The following KLF12 variants were observed in gnomAD, a reference collection of about 807,000 sequenced individuals.
The protein encoded by KLF12 is KLF transcription factor 12.
KLF12 carries 9 observed loss-of-function variants against 37.8 expected under a neutral mutation model. That is an observed-to-expected ratio of 0.24 (90% CI 0.14 to 0.42). The LOEUF is 0.42. KLF12 is among the 10% of genes least tolerant of loss of function. The pLI is 1.00. For synonymous variants in KLF12, 208 were observed against 202.1 expected (o/e 1.03, Z -0.25); for missense variants, 411 against 516.0 (o/e 0.80, Z 1.97).
chr13:74,151,652 C>CAATAAATA, the KLF12 span, among the ~76,000 whole-genome samples: 2 of 142,372 alleles, frequency 1.4e-5, no homozygotes, highest in African/African-American at 2.5e-5. Context: ...GACCCCATCT[C>CAATAAATA]AATAAATAAA....
chr13:74,075,350 T>C (rs1874501802), intron 1 of KLF12, among the ~76,000 whole-genome samples: 1 of 152,124 alleles, frequency 6.6e-6, no homozygotes, highest in Non-Finnish European at 1.5e-5. Flanking sequence ...AAGCTGCAGG[T>C]TTCTGTTACT....
intron 1 of KLF12, among the ~76,000 whole-genome samples, chr13:74,083,541 A>ACACACACAC (rs1566204110): frequency 5.6e-5 from 7 of 124,940 alleles, no homozygotes; most frequent in African/African-American, 2.2e-4. Flanking sequence ...CACACACACA[A>ACACACACAC]ACATTTAATA....
chr13:73,754,713 C>A (rs141621696), intron 6 of KLF12, among the ~76,000 whole-genome samples: 1 of 152,198 alleles, frequency 6.6e-6, no homozygotes, highest in East Asian at 1.9e-4. Context: ...TCACCAAAAT[C>A]TCATGAGGAA....
At chr13:73,740,008 T>C (rs1245344039) in intron 6 of KLF12, among the ~76,000 whole-genome samples, 1 of 147,352 alleles carries the variant, frequency 6.8e-6, no homozygotes, top group Non-Finnish European at 1.5e-5. Context: ...CTGTAGACAG[T>C]TGTGGGGTGC....
At chr13:73,923,484 C>T (rs1320031719) in intron 3 of KLF12, among the ~76,000 whole-genome samples, 2 of 152,190 alleles carry the variant, frequency 1.3e-5, no homozygotes, top group Admixed American at 6.5e-5. Context: ...ATTTCTCAGA[C>T]GTCTCCAGGC....
At chr13:73,919,072 G>C (rs1887345) in intron 3 of KLF12, among the ~76,000 whole-genome samples, 115,919 of 152,080 alleles carry the variant, frequency 0.76, 45,260 homozygotes, top group South Asian at 0.85. Context: ...TGAGCTTCTG[G>C]GAACAAATGG....
chr13:73,986,847 T>C (rs148806345), intron 2 of KLF12, among the ~76,000 whole-genome samples: 2 of 152,212 alleles, frequency 1.3e-5, no homozygotes, highest in East Asian at 3.9e-4. Flanking sequence ...TCCTAGGACC[T>C]CCAGAAGGGA....
At chr13:74,255,078 T>G in the KLF12 span, among the ~76,000 whole-genome samples, 1 of 152,248 alleles carries the variant, frequency 6.6e-6, no homozygotes, top group African/African-American at 2.4e-5. Flanking sequence ...TCCTGTCTAA[T>G]GTCTAGGATT....
At chr13:74,221,094 TC>T in the KLF12 span, among the ~76,000 whole-genome samples, 2 of 150,404 alleles carry the variant, frequency 1.3e-5, no homozygotes, top group African/African-American at 4.9e-5. Flanking sequence ...AAGCTCCGCC[TC>T]CCGGGTTCAC....
At chr13:73,773,595 C>G (rs778212555) in intron 5 of KLF12, among the ~76,000 whole-genome samples, 47 of 152,128 alleles carry the variant, frequency 3.1e-4, no homozygotes, top group Non-Finnish European at 5.4e-4. Flanking sequence ...TCCATTTCCA[C>G]AGTTACTCAC....
chr13:73,768,103 C>T (rs1880037140), intron 5 of KLF12, among the ~76,000 whole-genome samples: 1 of 152,180 alleles, frequency 6.6e-6, no homozygotes, highest in Non-Finnish European at 1.5e-5. Context: ...GTGTGACCAG[C>T]CTGCCTGACT....
At chr13:73,908,447 T>C (rs1273754795) in intron 3 of KLF12, among the ~76,000 whole-genome samples, 1 of 151,252 alleles carries the variant, frequency 6.6e-6, no homozygotes, top group East Asian at 1.9e-4. Context: ...TTCTGATTAA[T>C]CTTTAACCCT....
chr13:73,844,584 C>T (rs1406334883), intron 4 of KLF12: 4 of 152,130 alleles, frequency 2.6e-5, no homozygotes, highest in Non-Finnish European at 4.4e-5. Flanking sequence ...ACTTATTTCA[C>T]GTGTGATAAA....
intron 3 of KLF12, among the ~76,000 whole-genome samples, chr13:73,914,135 G>T (rs1888701477): frequency 6.6e-6 from 1 of 152,110 alleles, no homozygotes; most frequent in African/African-American, 2.4e-5. Flanking sequence ...AAACCACTTT[G>T]CTCTGACCTA....
the KLF12 span, among the ~76,000 whole-genome samples, chr13:74,168,128 A>G: frequency 6.6e-6 from 1 of 152,228 alleles, no homozygotes; most frequent in Non-Finnish European, 1.5e-5. Context: ...CTTTAAGCCA[A>G]TGAATTGTAG....
chr13:73,923,502 C>A (rs557410299), intron 3 of KLF12, among the ~76,000 whole-genome samples: 2 of 152,306 alleles, frequency 1.3e-5, no homozygotes, highest in South Asian at 4.1e-4. Context: ...GGCTGCAGCA[C>A]CCCCTGGCTC....
the KLF12 span, among the ~76,000 whole-genome samples, chr13:74,179,201 G>A: frequency 4.2e-4 from 64 of 152,346 alleles, no homozygotes; most frequent in African/African-American, 1.3e-3. Flanking sequence ...ATAAAAGAGA[G>A]AGAAGCAAGA....
At chr13:73,959,174 T>G (rs1890945265) in intron 2 of KLF12, among the ~76,000 whole-genome samples, 1 of 147,168 alleles carries the variant, frequency 6.8e-6, no homozygotes, top group Admixed American at 6.8e-5. Flanking sequence ...ATCATGAATT[T>G]TCCATCAAGG....
At chr13:74,245,015 C>T in the KLF12 span, among the ~76,000 whole-genome samples, 6 of 152,116 alleles carry the variant, frequency 3.9e-5, no homozygotes, top group Admixed American at 3.9e-4. Context: ...TCTGATGACT[C>T]TGATGGTAGC....
Sources: allele counts gnomAD v4.1 joint callset (sites outside exome capture counted in the v4.1 genomes callset), GRCh38; gene constraint gnomAD v4.1.1; transcripts MANE v1.5; gene names NCBI Gene and HGNC (gene_info 2026-07-23, HGNC 2026-07-21).